MDGA2: variants seen among roughly 807,000 people sequenced by gnomAD.
The protein encoded by MDGA2 is MAM domain-containing glycosylphosphatidylinositol anchor protein 2.
A neutral mutation model predicts 117.8 loss-of-function variants in MDGA2; 40 were observed. The ratio of observed to expected loss-of-function variants is 0.34; its 90% confidence interval spans 0.26 to 0.44. MDGA2 has a LOEUF of 0.44. Ranked by LOEUF, MDGA2 falls within the 20% of genes least tolerant of loss-of-function variation. The pLI, the probability that MDGA2 is intolerant of heterozygous loss-of-function variation, is 1.00. For missense variants in MDGA2, 1,123 were observed against 1,250.6 expected (o/e 0.90, Z 1.54); for synonymous variants, 452 against 439.0 (o/e 1.03, Z -0.37).
intron 1 of MDGA2, among the ~76,000 whole-genome samples, chr14:47,474,497 T>C (rs916834687): frequency 3.3e-5 from 5 of 151,926 alleles, no homozygotes; most frequent in African/African-American, 7.3e-5. Flanking sequence ...TTAAAATATA[T>C]ATGGAACCAA....
intron 8 of MDGA2, among the ~76,000 whole-genome samples, chr14:47,016,330 C>T (rs1429512818): frequency 6.6e-6 from 1 of 150,516 alleles, no homozygotes. Flanking sequence ...ATTAATAGCA[C>T]TTCAAATATT....
At chr14:47,377,647 T>TG (rs1891510055) in intron 1 of MDGA2, among the ~76,000 whole-genome samples, 1 of 152,058 alleles carries the variant, frequency 6.6e-6, no homozygotes, top group African/African-American at 2.4e-5. Flanking sequence ...AACTCCAAGG[T>TG]GGCAGTGAGG....
intron 2 of MDGA2, among the ~76,000 whole-genome samples, chr14:47,245,966 G>T (rs1014738112): frequency 6.6e-6 from 1 of 151,660 alleles, no homozygotes; most frequent in African/African-American, 2.4e-5. Context: ...AGAAATTGAG[G>T]TAAGAAAAGC....
chr14:47,530,117 C>G (rs1895064266), intron 1 of MDGA2, among the ~76,000 whole-genome samples: 1 of 152,138 alleles, frequency 6.6e-6, no homozygotes, highest in South Asian at 2.1e-4. Context: ...GATTCCTATC[C>G]CAGGAAAGCA....
chr14:47,526,169 TA>T (rs1473551825), intron 1 of MDGA2, among the ~76,000 whole-genome samples: 1 of 152,178 alleles, frequency 6.6e-6, no homozygotes, highest in African/African-American at 2.4e-5. Flanking sequence ...TAATCATACT[TA>T]GGCGTTCCTG....
At chr14:46,886,361 A>T (rs968671793) in intron 10 of MDGA2, among the ~76,000 whole-genome samples, 5 of 152,140 alleles carry the variant, frequency 3.3e-5, no homozygotes, top group Non-Finnish European at 7.4e-5. Flanking sequence ...AACATGGAAA[A>T]TTTTCACAAA....
chr14:47,061,187 C>G (rs1170327717), intron 7 of MDGA2, 62 bp downstream of exon 7: 2 of 1,423,742 alleles, frequency 1.4e-6, no homozygotes, highest in African/African-American at 1.4e-5. Context: ...CCTACTTGAT[C>G]TGTTAAACTT....
chr14:47,546,527 C>T (rs569110946), intron 1 of MDGA2, among the ~76,000 whole-genome samples: 1 of 152,268 alleles, frequency 6.6e-6, no homozygotes, highest in South Asian at 2.1e-4. Context: ...AGAGAACCAT[C>T]ATATTTCTAT....
In MDGA2 at chr14:46,873,416, A is replaced by G; in HGVS notation, c.2752+17T>C. The G allele has an allele frequency of 6.4e-7, 1 of 1,560,996 alleles. No homozygotes were observed. Among genetic ancestry groups the G allele is most frequent in the Non-Finnish European group, 8.7e-7 (1 of 1,151,400 alleles). On this transcript the variant is annotated intron_variant, in intron 14 of 16. Coordinates refer to ENST00000399232, the MANE Select transcript of MDGA2 (RefSeq NM_001113498.3). ...TATCATTAATTTTGTAAGAATCAGTAATTATTGCTATCTCACCTATATGTT... is the reference window on the plus strand; with the variant it reads ...TATCATTAATTTTGTAAGAATCAGTGATTATTGCTATCTCACCTATATGTT...
At chr14:47,109,020 G>A (rs1880892407) in intron 5 of MDGA2, among the ~76,000 whole-genome samples, 1 of 152,126 alleles carries the variant, frequency 6.6e-6, no homozygotes, top group South Asian at 2.1e-4. Context: ...TTTCCAACAG[G>A]TGAGGTCCTG....
intron 1 of MDGA2, among the ~76,000 whole-genome samples, chr14:47,420,320 T>C (rs1404382644): frequency 1.3e-5 from 2 of 152,110 alleles, no homozygotes; most frequent in Non-Finnish European, 2.9e-5. Flanking sequence ...AGAATTCAAA[T>C]GTGGAAGGAA....
At chr14:47,020,400 T>A (rs764180778) in intron 8 of MDGA2, among the ~76,000 whole-genome samples, 1 of 152,184 alleles carries the variant, frequency 6.6e-6, no homozygotes, top group Admixed American at 6.5e-5. Flanking sequence ...ATGGTACCCA[T>A]CTTAAGTACA....
chr14:47,651,194 T>G (rs1897633333), intron 1 of MDGA2, among the ~76,000 whole-genome samples: 1 of 144,282 alleles, frequency 6.9e-6, no homozygotes, highest in Admixed American at 7.4e-5. Context: ...TAAGGGAGAT[T>G]CTGTGTGTGT....
chr14:47,398,394 G>A (rs929791341), intron 1 of MDGA2, among the ~76,000 whole-genome samples: 1 of 152,152 alleles, frequency 6.6e-6, no homozygotes, highest in Non-Finnish European at 1.5e-5. Flanking sequence ...TTTTGCCTGT[G>A]AGAGTTTAGG....
At chr14:47,048,843 T>C (rs1318895848) in intron 7 of MDGA2, among the ~76,000 whole-genome samples, 1 of 152,088 alleles carries the variant, frequency 6.6e-6, no homozygotes, top group Non-Finnish European at 1.5e-5. Context: ...ACAAATATTC[T>C]ACTGAAGCAT....
At chr14:47,160,651 C>G (rs943177255) in intron 3 of MDGA2, among the ~76,000 whole-genome samples, 6 of 152,034 alleles carry the variant, frequency 3.9e-5, no homozygotes, top group African/African-American at 1.4e-4. Context: ...GACCACAGAG[C>G]GAGACCTGTC....
intron 2 of MDGA2, among the ~76,000 whole-genome samples, chr14:47,281,792 C>G (rs993223544): frequency 1.3e-5 from 2 of 152,118 alleles, no homozygotes; most frequent in African/African-American, 4.8e-5. Context: ...CACAGTGACT[C>G]ATGCCTGTAA....
At position 47,201,003 on chromosome 14, in the gene MDGA2, C is replaced by A. The variant is rs1594718232; in HGVS notation, c.595+17018G>T. ...TGTTGATGCCTTCGCAGCATACGAC[C>A]ACCACTTTCCTGCCCAGCAGTACCT... On this transcript the variant is annotated intron_variant, in intron 3 of 16. Transcript: ENST00000399232. 5 of 869,766 alleles carry A rather than the reference C, an allele frequency of 5.7e-6. No individual in the cohort carries two copies. The East Asian group carries it at 1.2e-4, about 21-fold the overall frequency. The allele number at this position is 869,766 out of a possible 1,614,324, so 53.9% of individuals were successfully genotyped here. A position where few individuals can be genotyped will look rare whatever the true frequency, so the allele number is the denominator to read the frequency against.
chr14:46,964,300 A>T (rs2138293184), intron 8 of MDGA2, among the ~76,000 whole-genome samples: 1 of 147,934 alleles, frequency 6.8e-6, no homozygotes, highest in South Asian at 2.1e-4. Context: ...ATGATTAGAT[A>T]TAATAAAATG....
Sources: gnomAD v4.1 joint callset for allele counts (sites outside exome capture counted in the v4.1 genomes callset) on GRCh38, gnomAD v4.1.1 for gene constraint, MANE v1.5 for transcripts, NCBI Gene and HGNC (gene_info 2026-07-23, HGNC 2026-07-21) for gene names.